CSMD1: variants seen among roughly 807,000 people sequenced by gnomAD.
CSMD1 encodes CUB and sushi domain-containing protein 1.
In CSMD1, 213 loss-of-function variants were observed where a neutral mutation model predicts 417.5. That is an observed-to-expected ratio of 0.51 (90% CI 0.46 to 0.57). CSMD1 has a LOEUF of 0.57. CSMD1 is among the 20% of genes least tolerant of loss of function. CSMD1 has a pLI of 0.00. For synonymous variants in CSMD1, 2,862 were observed against 1,736.8 expected (o/e 1.65, Z -16.11); for missense variants, 6,923 against 4,529.7 (o/e 1.53, Z -15.17).
intron 3 of CSMD1, among the ~76,000 whole-genome samples, chr8:4,190,529 C>T (rs1254092986): frequency 7.3e-6 from 1 of 136,138 alleles, no homozygotes; most frequent in Admixed American, 8.4e-5. Flanking sequence ...TAAAATTTTA[C>T]ATACACATAT....
intron 2 of CSMD1, among the ~76,000 whole-genome samples, chr8:4,502,987 T>A (rs1408817282): frequency 6.6e-6 from 1 of 152,150 alleles, no homozygotes; most frequent in Non-Finnish European, 1.5e-5. Context: ...AAAATCAATA[T>A]TTTCTGGCAC....
At chr8:4,179,400 T>A (rs577853474) in intron 3 of CSMD1, among the ~76,000 whole-genome samples, 19 of 152,280 alleles carry the variant, frequency 1.2e-4, no homozygotes, top group Admixed American at 7.2e-4. Flanking sequence ...GCTGGATCCC[T>A]TCCTTACACC....
chr8:3,769,506 G>C (rs1350048809), intron 5 of CSMD1, among the ~76,000 whole-genome samples: 1 of 150,006 alleles, frequency 6.7e-6, no homozygotes, highest in East Asian at 1.9e-4. Flanking sequence ...AAAAAAATAA[G>C]AAAAAATATA....
chr8:4,361,152 T>A (rs1429794778), intron 3 of CSMD1, among the ~76,000 whole-genome samples: 1 of 152,174 alleles, frequency 6.6e-6, no homozygotes, highest in African/African-American at 2.4e-5. Flanking sequence ...CTTTATCATT[T>A]GTAGAATGGG....
rs758096898 is a variant in CSMD1, at chr8:4,637,486, G to A, written c.158C>T (p.Pro53Leu). 14 of 1,613,602 alleles carry A rather than the reference G, an allele frequency of 8.7e-6. No homozygotes were observed. The highest frequency in any genetic ancestry group is 2.2e-5 in the East Asian group (1 of 44,856). The part of the protein sequence containing the change: ...IESPGFPHGY[P>L]NYANCTWIII... ...GATCCAGGTGCAGTTGGCATAGTTC[G>A]GATACCCGTGAGGAAACCCTGGGCT... is the stretch of plus-strand genomic sequence containing the variant. Residue 53 changes from proline (P) to leucine (L), a missense_variant, in exon 2 of 70, where the codon CCG becomes CTG. Physicochemically the swap from Pro to Leu is moderately conservative, Grantham distance 98. Transcript: ENST00000635120.
intron 2 of CSMD1, among the ~76,000 whole-genome samples, chr8:4,437,684 G>C (rs752959922): frequency 6.6e-5 from 10 of 152,112 alleles, no homozygotes; most frequent in African/African-American, 9.7e-5. Context: ...ATATTTATAA[G>C]ACCTTTAGCA....
chr8:4,850,500 G>A (rs1308134331), intron 1 of CSMD1, among the ~76,000 whole-genome samples: 1 of 146,034 alleles, frequency 6.8e-6, no homozygotes, highest in Admixed American at 7.0e-5. Flanking sequence ...TGCAAACATT[G>A]GTTATTTTCC....
chr8:3,503,662 A>G (rs112505945), intron 10 of CSMD1, among the ~76,000 whole-genome samples: 1,774 of 152,344 alleles, frequency 0.012, 38 homozygotes, highest in African/African-American at 0.04. Flanking sequence ...TACAGAGAGA[A>G]TTAGTCTCAG....
At chr8:3,252,429 A>G (rs1800339863) in intron 26 of CSMD1, among the ~76,000 whole-genome samples, 2 of 152,180 alleles carry the variant, frequency 1.3e-5, no homozygotes, top group Admixed American at 1.3e-4. Flanking sequence ...ATCATGGTGG[A>G]TAAGCTTTTT....
chr8:2,974,699 G>C, intron 55 of CSMD1, 75 bp from the exon 56 acceptor site: 1 of 1,116,112 alleles, frequency 9.0e-7, no homozygotes, highest in South Asian at 1.7e-5. Flanking sequence ...CTCCCATACA[G>C]ACACCCATAC....
intron 3 of CSMD1, among the ~76,000 whole-genome samples, chr8:4,152,445 C>G (rs546275064): frequency 6.6e-5 from 10 of 151,340 alleles, no homozygotes; most frequent in African/African-American, 2.4e-4. Flanking sequence ...TTGGCCAAGG[C>G]AAGTGGCTTG....
At chr8:4,607,535 G>C (rs955762752) in intron 2 of CSMD1, among the ~76,000 whole-genome samples, 1 of 152,134 alleles carries the variant, frequency 6.6e-6, no homozygotes, top group African/African-American at 2.4e-5. Context: ...ACATGGTGCT[G>C]AATTTGACCT....
intron 46 of CSMD1, 83 bp downstream of exon 46, chr8:3,106,445 A>T: frequency 1.3e-6 from 1 of 789,176 alleles, no homozygotes; most frequent in Non-Finnish European, 2.1e-6. Context: ...TCACATCTAT[A>T]CAAAGAAATG....
At chr8:4,465,410 G>C (rs75556101) in intron 2 of CSMD1, among the ~76,000 whole-genome samples, 1 of 152,264 alleles carries the variant, frequency 6.6e-6, no homozygotes, top group South Asian at 2.1e-4. Flanking sequence ...TCATCATGCT[G>C]AAGGAGCCTT....
At chr8:3,657,592 A>G (rs182421117) in intron 7 of CSMD1, among the ~76,000 whole-genome samples, 323 of 152,274 alleles carry the variant, frequency 2.1e-3, no homozygotes, top group Middle Eastern at 3.4e-3. Context: ...AACTAACTCA[A>G]GAACAAAAAA....
At chr8:4,117,645 C>A (rs10097778) in intron 3 of CSMD1, among the ~76,000 whole-genome samples, 2 of 152,224 alleles carry the variant, frequency 1.3e-5, no homozygotes, top group African/African-American at 4.8e-5. Flanking sequence ...GCTGAAGCGC[C>A]CGCACTTCTG....
Position 4,358,839 on chromosome 8 carries a change from G to C in CSMD1, c.415+61114C>G, listed in dbSNP as rs529964852. On this transcript the variant is annotated intron_variant, in intron 3 of 69. Transcript: ENST00000635120. ...ATCACGTAAGAGTGCCTTGGTTTCA[G>C]TGCTCAAATAACTTTTAAACACGGT... 5.3e-5 allele frequency among the ~76,000 whole-genome samples: 8 copies of C among 152,208 alleles called. No homozygotes were observed. In the East Asian group the frequency reaches 7.7e-4, roughly 15 times the overall value.
In CSMD1 at chr8:3,735,195, G is replaced by A. The variant is rs576154781; in HGVS notation, c.931+18735C>T. Among the ~76,000 whole-genome samples, 4 of 152,266 alleles carry A rather than the reference G, an allele frequency of 2.6e-5. No homozygotes were observed. In the East Asian group the frequency reaches 7.7e-4, roughly 29 times the overall value. On this transcript the variant is annotated intron_variant, in intron 6 of 69. Transcript: ENST00000635120. ...TCCCTTGATCAGGCACACGGTAACG[G>A]GCAAGTTGCCCCTGGCTCCTTAATG...
intron 1 of CSMD1, among the ~76,000 whole-genome samples, chr8:4,682,955 C>CATATATATATATATATAT (rs10566841): frequency 8.4e-6 from 1 of 118,490 alleles, no homozygotes; most frequent in African/African-American, 3.1e-5. Flanking sequence ...TAAGTATCTT[C>CATATATATATATATATAT]ATATATATAT....
Sources: gnomAD v4.1 joint callset for allele counts (sites outside exome capture counted in the v4.1 genomes callset) on GRCh38, gnomAD v4.1.1 for gene constraint, MANE v1.5 for transcripts, NCBI Gene and HGNC (gene_info 2026-07-23, HGNC 2026-07-21) for gene names.